Variants in ASTN2 observed in about 807,000 individuals in gnomAD.
ASTN2 encodes astrotactin 2, also known as astrotactin-2.
Under a neutral mutation model 139.8 loss-of-function variants are expected in ASTN2, and 54 were observed. That is an observed-to-expected ratio of 0.39 (90% CI 0.31 to 0.48). The LOEUF is 0.48. ASTN2 is among the 20% of genes least tolerant of loss of function. The pLI, the probability that ASTN2 is intolerant of heterozygous loss-of-function variation, is 0.95. For missense variants in ASTN2, 1,565 were observed against 1,725.1 expected (o/e 0.91, Z 1.64); for synonymous variants, 756 against 719.5 (o/e 1.05, Z -0.81).
Position 117,215,678 on chromosome 9 carries a change from G to C in ASTN2, c.631-936C>G, listed in dbSNP as rs184547122. On this transcript the variant is annotated intron_variant, in intron 2 of 22. Transcript: ENST00000313400. The stretch of plus-strand genomic sequence containing the variant: ...CACGTCTGTAATCCCCATAACACCT[G>C]TCATGAGCTTGAAGTTGAGGGTTTG... 2.4e-3 allele frequency among the ~76,000 whole-genome samples: 359 copies of C among 152,126 alleles called. 2 individuals are homozygous for C. Among genetic ancestry groups the C allele is most frequent in the African/African-American group, 8.3e-3 (346 of 41,490 alleles).
chr9:117,067,580 C>T (rs1827990229), intron 5 of ASTN2, among the ~76,000 whole-genome samples: 1 of 144,938 alleles, frequency 6.9e-6, no homozygotes, highest in Non-Finnish European at 1.5e-5. Context: ...GGCATTGAAT[C>T]TGTAAATTAC....
At chr9:117,041,273 C>T (rs1451267576) in intron 5 of ASTN2, among the ~76,000 whole-genome samples, 1 of 151,920 alleles carries the variant, frequency 6.6e-6, no homozygotes, top group East Asian at 1.9e-4. Context: ...TACTGCTAGG[C>T]TCTTCTTTTA....
chr9:117,076,636 G>C (rs1034254227), intron 5 of ASTN2, among the ~76,000 whole-genome samples: 3 of 152,148 alleles, frequency 2.0e-5, no homozygotes, highest in Non-Finnish European at 4.4e-5. Flanking sequence ...TTAGGAGGCT[G>C]TTACAATAAT....
At chr9:116,910,412 GT>G (rs1834279128) in intron 10 of ASTN2, among the ~76,000 whole-genome samples, 1 of 152,168 alleles carries the variant, frequency 6.6e-6, no homozygotes, top group South Asian at 2.1e-4. Context: ...CTAGGTGCCA[GT>G]AGCACCTCCC....
At chr9:116,953,199 G>A (rs1315186143) in intron 10 of ASTN2, among the ~76,000 whole-genome samples, 1 of 152,178 alleles carries the variant, frequency 6.6e-6, no homozygotes, top group Admixed American at 6.5e-5. Flanking sequence ...TGGCTTAACT[G>A]AAAATAAGGT....
Position 116,974,506 on chromosome 9 carries a change from C to CTTTTT in ASTN2, c.1889+697_1889+701dup, listed in dbSNP as rs3038410. 4.1e-4 allele frequency among the ~76,000 whole-genome samples: 45 copies of CTTTTT among 110,900 alleles called. 1 individual carries two copies. The highest frequency in any genetic ancestry group is 8.9e-4 in the African/African-American group (26 of 29,100). 72.8% of individuals were successfully genotyped at this position (110,900 alleles called of 152,430 possible). The stretch of plus-strand genomic sequence containing the variant: ...TTAAGAACAAAAGATTTAGCCTGGA[C>CTTTTT]TTTTTTTTTTTTTTTTTTTTGAGAT... On this transcript the variant is annotated intron_variant, in intron 10 of 22. Transcript: ENST00000313400.
intron 19 of ASTN2, among the ~76,000 whole-genome samples, chr9:116,529,811 T>C (rs1851244177): frequency 6.6e-6 from 1 of 152,004 alleles, no homozygotes; most frequent in African/African-American, 2.4e-5. Context: ...GTAAGACATG[T>C]CCTGCTTCCC....
intron 3 of ASTN2, among the ~76,000 whole-genome samples, chr9:117,182,731 C>T (rs1001481745): frequency 2.6e-5 from 4 of 152,004 alleles, no homozygotes; most frequent in African/African-American, 7.2e-5. Context: ...CCTTCTGTTC[C>T]AGTTACAGAA....
intron 4 of ASTN2, among the ~76,000 whole-genome samples, chr9:117,129,842 ATTG>A (rs1390342936): frequency 6.6e-6 from 1 of 151,954 alleles, no homozygotes; most frequent in African/African-American, 2.4e-5. Context: ...GTTCCTTCTT[ATTG>A]TTGTAAAATT....
chr9:117,174,321 A>C (rs898906098), intron 3 of ASTN2, among the ~76,000 whole-genome samples: 1 of 152,048 alleles, frequency 6.6e-6, no homozygotes, highest in African/African-American at 2.4e-5. Flanking sequence ...CTTAGAAAAA[A>C]TAAGTGAGTC....
chr9:116,554,826 GAAGAA>G (rs1852527356), intron 19 of ASTN2, among the ~76,000 whole-genome samples: 2 of 152,196 alleles, frequency 1.3e-5, no homozygotes, highest in South Asian at 4.2e-4. Flanking sequence ...AAAAAAGAAA[GAAGAA>G]AAGAAAGAAA....
At chr9:116,818,264 G>A (rs559184011) in intron 12 of ASTN2, among the ~76,000 whole-genome samples, 2 of 152,300 alleles carry the variant, frequency 1.3e-5, no homozygotes, top group South Asian at 4.1e-4. Flanking sequence ...AGGTCATAGA[G>A]CTTTGAGCAA....
chr9:117,107,048 G>A (rs1046577981), intron 4 of ASTN2, among the ~76,000 whole-genome samples: 1 of 151,346 alleles, frequency 6.6e-6, no homozygotes, highest in Non-Finnish European at 1.5e-5. Context: ...TTTCCTTTTT[G>A]TGAGAAAATA....
chr9:116,477,094 T>G lies in ASTN2; in HGVS notation c.3497+10265A>C, dbSNP rs530765312. On this transcript the variant is annotated intron_variant, in intron 20 of 22. Coordinates refer to ENST00000313400, the MANE Select transcript of ASTN2 (RefSeq NM_001365068.1). ...TCTGTGCCCTGTCCCTCTGGAACCC[T>G]GGCTGGTGTCCCATTCCTGGATGGA... 2.0e-5 allele frequency among the ~76,000 whole-genome samples: 3 copies of G among 150,754 alleles called. No homozygotes were observed. In the South Asian group the frequency reaches 6.3e-4, roughly 32 times the overall value.
At chr9:116,750,218 C>T (rs1011736795) in intron 13 of ASTN2, among the ~76,000 whole-genome samples, 2 of 152,210 alleles carry the variant, frequency 1.3e-5, no homozygotes, top group Admixed American at 1.3e-4. Flanking sequence ...ATCAAAGCCA[C>T]ATTTTAACTG....
intron 10 of ASTN2, among the ~76,000 whole-genome samples, chr9:116,898,084 A>T (rs936475708): frequency 2.3e-4 from 35 of 152,020 alleles, no homozygotes; most frequent in African/African-American, 7.0e-4. Flanking sequence ...TACGTAGCCT[A>T]GTATCACAGG....
chr9:116,707,525 C>CCCAACCCCAA (rs1828024923), intron 16 of ASTN2, among the ~76,000 whole-genome samples: 1 of 151,852 alleles, frequency 6.6e-6, no homozygotes, highest in Non-Finnish European at 1.5e-5. Flanking sequence ...CCAACCCCTC[C>CCCAACCCCAA]CCACACCACC....
intron 22 of ASTN2, 47 bp downstream of exon 22, chr9:116,440,562 G>C: frequency 6.3e-7 from 1 of 1,579,998 alleles, no homozygotes; most frequent in African/African-American, 1.3e-5. Flanking sequence ...AAAGTCAACT[G>C]GAGGCAAAAA....
intron 1 of ASTN2, among the ~76,000 whole-genome samples, chr9:117,330,595 G>A (rs937771128): frequency 7.2e-5 from 11 of 152,012 alleles, no homozygotes; most frequent in Admixed American, 2.0e-4. Context: ...TTTCCTCTTC[G>A]CCTCCTCCCC....
Sources: allele counts gnomAD v4.1 joint callset (sites outside exome capture counted in the v4.1 genomes callset), GRCh38; gene constraint gnomAD v4.1.1; transcripts MANE v1.5; gene names NCBI Gene and HGNC (gene_info 2026-07-23, HGNC 2026-07-21).